SDC2: variants seen among roughly 807,000 people sequenced by gnomAD.
SDC2 encodes syndecan 2.
A neutral mutation model predicts 22.2 loss-of-function variants in SDC2; 13 were observed. The ratio of observed to expected loss-of-function variants is 0.59; its 90% CI spans 0.38 to 0.93. SDC2 has a LOEUF of 0.93. SDC2 is among the 40% of genes least tolerant of loss of function. The pLI, the probability that SDC2 is intolerant of heterozygous loss-of-function variation, is 0.00. For synonymous variants in SDC2, 94 were observed against 92.8 expected, an observed-to-expected ratio of 1.01 and a Z score of -0.07; for missense variants, 235 against 246.8, an observed-to-expected ratio of 0.95 and a Z score of 0.32.
At chr8:96,499,776 C>A in intron 1 of SDC2, among the ~76,000 whole-genome samples, 1 of 143,458 alleles carries the variant, frequency 7.0e-6, no homozygotes, top group South Asian at 2.2e-4. Context: ...TTTTTTTTGG[C>A]AATGAAATGA....
chr8:96,608,835 G>A (rs970967990), intron 4 of SDC2, among the ~76,000 whole-genome samples: 3 of 152,160 alleles, frequency 2.0e-5, no homozygotes, highest in Admixed American at 6.5e-5. Context: ...AAGTTCTTTA[G>A]GGGAAGGCAG....
intron 1 of SDC2, among the ~76,000 whole-genome samples, chr8:96,505,161 G>A (rs2439518): frequency 0.52 from 78,875 of 151,982 alleles, 21,013 homozygotes; most frequent in African/African-American, 0.63. Flanking sequence ...TATTTCCCCT[G>A]TCACCCATAT....
chr8:96,511,119 GAGC>G (rs1341775759), intron 1 of SDC2, among the ~76,000 whole-genome samples: 1 of 152,094 alleles, frequency 6.6e-6, no homozygotes, highest in African/African-American at 2.4e-5. Flanking sequence ...CAGCAGTCTT[GAGC>G]TTTAAAAAGC....
intron 1 of SDC2, among the ~76,000 whole-genome samples, chr8:96,562,112 A>AT (rs1245312627): frequency 6.6e-6 from 1 of 152,082 alleles, no homozygotes; most frequent in Non-Finnish European, 1.5e-5. Context: ...TCTTCTAGGC[A>AT]TTTTGTAGTT....
intron 1 of SDC2, among the ~76,000 whole-genome samples, chr8:96,573,643 T>C (rs2130588972): frequency 6.6e-6 from 1 of 152,206 alleles, no homozygotes; most frequent in Admixed American, 6.5e-5. Context: ...TTTAATACCA[T>C]TGACTCTGCC....
At chr8:96,587,955 C>T (rs1260427590) in intron 1 of SDC2, among the ~76,000 whole-genome samples, 1 of 152,130 alleles carries the variant, frequency 6.6e-6, no homozygotes, top group African/African-American at 2.4e-5. Flanking sequence ...AGGCAACAAT[C>T]TCCTGGGTAG....
chr8:96,547,597 T>TG (rs1813955188), intron 1 of SDC2, among the ~76,000 whole-genome samples: 1 of 152,230 alleles, frequency 6.6e-6, no homozygotes, highest in Non-Finnish European at 1.5e-5. Flanking sequence ...AAAAGGTGTC[T>TG]GGGTATACCT....
intron 1 of SDC2, among the ~76,000 whole-genome samples, chr8:96,558,617 A>G (rs563408349): frequency 3.5e-4 from 53 of 152,330 alleles, no homozygotes; most frequent in Admixed American, 7.2e-4. Context: ...ATCTTAATGA[A>G]TCAAAGCTTT....
chr8:96,597,647 A>T (rs1247616694), intron 2 of SDC2, among the ~76,000 whole-genome samples: 1 of 152,256 alleles, frequency 6.6e-6, no homozygotes, highest in African/African-American at 2.4e-5. Flanking sequence ...GAACAATGGC[A>T]CAAAAACAGG....
At chr8:96,593,346 T>TGG (rs1814816757) in intron 1 of SDC2, 134 bp from the exon 2 acceptor site, 2 of 612,876 alleles carry the variant, frequency 3.3e-6, no homozygotes, top group African/African-American at 3.7e-5. Flanking sequence ...AGGAAGACTG[T>TGG]GGCCAGAGAT....
intron 1 of SDC2, among the ~76,000 whole-genome samples, chr8:96,533,402 C>T (rs1813698865): frequency 1.3e-5 from 2 of 152,032 alleles, no homozygotes; most frequent in South Asian, 2.1e-4. Context: ...GTTTACAATC[C>T]CTGAGCTAGA....
chr8:96,534,862 C>T (rs1414761214), intron 1 of SDC2, among the ~76,000 whole-genome samples: 2 of 152,144 alleles, frequency 1.3e-5, no homozygotes, highest in African/African-American at 4.8e-5. Context: ...TCTTTGCTAC[C>T]CTTGCTCACC....
At chr8:96,570,670 C>G (rs1814378823) in intron 1 of SDC2, among the ~76,000 whole-genome samples, 1 of 152,022 alleles carries the variant, frequency 6.6e-6, no homozygotes. Context: ...GAGAAATGCT[C>G]TAAGGGTGAA....
intron 1 of SDC2, among the ~76,000 whole-genome samples, chr8:96,547,495 G>T (rs898739196): frequency 3.3e-5 from 5 of 152,218 alleles, no homozygotes; most frequent in Non-Finnish European, 7.3e-5. Context: ...GGCTCCATGT[G>T]TCTGGCTAAC....
At chr8:96,599,800 A>C (rs1282480247) in intron 2 of SDC2, among the ~76,000 whole-genome samples, 1 of 152,154 alleles carries the variant, frequency 6.6e-6, no homozygotes, top group Non-Finnish European at 1.5e-5. Flanking sequence ...ATAATAATGA[A>C]TATATATGTT....
chr8:96,519,941 T>C (rs1443350681), intron 1 of SDC2, among the ~76,000 whole-genome samples: 2 of 152,204 alleles, frequency 1.3e-5, no homozygotes, highest in African/African-American at 2.4e-5. Flanking sequence ...GAAGTAGTAG[T>C]ATAAAATTGA....
intron 1 of SDC2, among the ~76,000 whole-genome samples, chr8:96,577,807 A>G (rs1375980067): frequency 6.6e-6 from 1 of 151,982 alleles, no homozygotes; most frequent in Non-Finnish European, 1.5e-5. Flanking sequence ...ATGCCTTTCC[A>G]ACATGTTGTG....
At chr8:96,595,680 T>C (rs907142118) in intron 2 of SDC2, among the ~76,000 whole-genome samples, 4 of 152,224 alleles carry the variant, frequency 2.6e-5, no homozygotes, top group Non-Finnish European at 5.9e-5. Context: ...AGGTTGACCT[T>C]AAGTCTAGTT....
intron 1 of SDC2, among the ~76,000 whole-genome samples, chr8:96,555,961 T>G (rs1814102886): frequency 6.6e-6 from 1 of 152,096 alleles, no homozygotes; most frequent in South Asian, 2.1e-4. Context: ...TTAAACTCAG[T>G]GAAAGCTACA....
Sources: allele counts gnomAD v4.1 joint callset (sites outside exome capture counted in the v4.1 genomes callset), GRCh38; gene constraint gnomAD v4.1.1; transcripts MANE v1.5; gene names NCBI Gene and HGNC (gene_info 2026-07-23, HGNC 2026-07-21).